SNAP91: variants seen among roughly 807,000 people sequenced by gnomAD.
SNAP91 encodes clathrin coat assembly protein AP180.
SNAP91 carries 27 observed loss-of-function variants against 100.3 expected under a neutral mutation model. The observed-to-expected ratio is 0.27, with a 90% CI of 0.20 to 0.37. The LOEUF (loss-of-function observed/expected upper bound fraction) is 0.37. Ranked by LOEUF, SNAP91 falls within the 10% of genes least tolerant of loss-of-function variation. The pLI is 1.00. For missense variants in SNAP91, 986 were observed against 1,123.7 expected, an observed-to-expected ratio of 0.88 and a Z score of 1.75; for synonymous variants, 404 against 398.6, an observed-to-expected ratio of 1.01 and a Z score of -0.16.
At position 83,598,606 on chromosome 6, in the gene SNAP91, G is replaced by C. The variant is rs528534899; in HGVS notation, c.1324+2665C>G. ...ACATATTGCATAGGACCTCAAAAAG[G>C]CATGTTTTAAAGTTGTAAAGTTATG... On this transcript the variant is annotated intron_variant, in intron 16 of 29. Transcript: ENST00000369694. Among the ~76,000 whole-genome samples, 29 of 152,140 alleles carry C rather than the reference G, an allele frequency of 1.9e-4. 1 individual carries two copies. The South Asian group carries it at 5.8e-3, about 30-fold the overall frequency.
intron 8 of SNAP91, among the ~76,000 whole-genome samples, chr6:83,638,864 C>G (rs181499144): frequency 3.1e-4 from 47 of 152,280 alleles, no homozygotes; most frequent in South Asian, 1.0e-3. Context: ...ATTCCGATAT[C>G]TACCTTAGAA....
At chr6:83,626,963 CTCAT>C (rs968295519) in intron 8 of SNAP91, among the ~76,000 whole-genome samples, 1 of 152,030 alleles carries the variant, frequency 6.6e-6, no homozygotes, top group African/African-American at 2.4e-5. Context: ...CCACCTTTTG[CTCAT>C]TCAGTGTGAT....
intron 2 of SNAP91, among the ~76,000 whole-genome samples, chr6:83,666,169 C>G (rs2098680477): frequency 6.6e-6 from 1 of 152,016 alleles, no homozygotes; most frequent in African/African-American, 2.4e-5. Context: ...ATAATTTAAC[C>G]TGAGTTTGTA....
chr6:83,564,114 C>T (rs540600177), intron 26 of SNAP91, among the ~76,000 whole-genome samples: 34 of 152,092 alleles, frequency 2.2e-4, no homozygotes, highest in African/African-American at 8.0e-4. Flanking sequence ...TAGAAAGGTA[C>T]ATTAATCAAA....
chr6:83,568,503 A>AATG (rs1360748176), intron 26 of SNAP91, among the ~76,000 whole-genome samples: 1 of 151,306 alleles, frequency 6.6e-6, no homozygotes, highest in Non-Finnish European at 1.5e-5. Context: ...TAATAATAAT[A>AATG]ATAATAACTT....
In SNAP91 at chr6:83,658,979, TTTTCTAG is replaced by T. The variant is rs1345590053; in HGVS notation, c.546+13_546+19del. 6.5e-7 allele frequency: 1 copy of T among 1,543,214 alleles called. No individual in the cohort carries two copies. Among genetic ancestry groups the T allele is most frequent in the African/African-American group, 1.4e-5 (1 of 73,410 alleles). Reference sequence around the variant, plus strand: ...GACAACATTGATTGTGTATGAAACATTTTCTAGTGAGATACATACATCAAATTCAAGC... The same window carrying T: ...GACAACATTGATTGTGTATGAAACATTGAGATACATACATCAAATTCAAGC... On this transcript the variant is annotated intron_variant, in intron 6 of 29. Transcript: ENST00000369694.
intron 9 of SNAP91, among the ~76,000 whole-genome samples, chr6:83,619,346 T>C (rs1333172668): frequency 2.0e-5 from 3 of 152,218 alleles, no homozygotes; most frequent in Non-Finnish European, 4.4e-5. Flanking sequence ...CGTGCAGGAA[T>C]GTCTACCTTT....
chr6:83,591,052 C>G (rs1390209138), intron 22 of SNAP91, among the ~76,000 whole-genome samples, 159 bp downstream of exon 22: 1 of 151,946 alleles, frequency 6.6e-6, no homozygotes, highest in Non-Finnish European at 1.5e-5. Flanking sequence ...AAGCATAGTA[C>G]CCAACAGTCA....
chr6:83,605,452 TTAAAA>T (rs1039997892), intron 14 of SNAP91, among the ~76,000 whole-genome samples: 2 of 152,292 alleles, frequency 1.3e-5, no homozygotes, highest in East Asian at 1.9e-4. Flanking sequence ...GTTCCAACTG[TTAAAA>T]TAAAAACTAT....
In SNAP91 at chr6:83,592,941, C is replaced by A; in HGVS notation, c.1846+5G>T. 6.3e-7 allele frequency: 1 copy of A among 1,575,360 alleles called. No individual in the cohort carries two copies. Among genetic ancestry groups the A allele is most frequent in the Non-Finnish European group, 8.6e-7 (1 of 1,159,508 alleles). ...CTGAAGTCCTGACCTTGGCAAAGCACTCACCAGATAAGAGGTCAGCAGTGA... is the reference window on the plus strand; with the variant it reads ...CTGAAGTCCTGACCTTGGCAAAGCAATCACCAGATAAGAGGTCAGCAGTGA... On this transcript the variant is annotated splice_donor_5th_base_variant and intron_variant, in intron 20 of 29. Coordinates refer to ENST00000369694, the MANE Select transcript of SNAP91 (RefSeq NM_001242792.2).
In SNAP91 at chr6:83,613,567, G is replaced by A. The variant is rs1287693809; in HGVS notation, c.884+1290C>T. On this transcript the variant is annotated intron_variant, in intron 11 of 29. Transcript: ENST00000369694. The stretch of plus-strand genomic sequence containing the variant: ...ATTAATCACTGATTAAACTCTGAAG[G>A]TTCCCAGGCTCGGAGAGGTTAATAA... Among the ~76,000 whole-genome samples the A allele has an allele frequency of 3.9e-5, 6 of 152,280 alleles. 1 individual carries two copies. Among genetic ancestry groups the A allele is most frequent in the Non-Finnish European group, 1.5e-5 (1 of 68,022 alleles).
At chr6:83,556,105 T>A in intron 29 of SNAP91, 38 bp downstream of exon 29, 1 of 1,165,292 alleles carries the variant, frequency 8.6e-7, no homozygotes, top group Non-Finnish European at 1.3e-6. Flanking sequence ...GTATAGCTCA[T>A]TATTACAAGC....
At chr6:83,606,753 T>C (rs1186347102) in intron 13 of SNAP91, among the ~76,000 whole-genome samples, 1 of 152,208 alleles carries the variant, frequency 6.6e-6, no homozygotes, top group Non-Finnish European at 1.5e-5. Flanking sequence ...TGCTGCTTTT[T>C]AAAAAAAGTT....
chr6:83,604,486 T>C (rs1562303304), intron 14 of SNAP91, among the ~76,000 whole-genome samples: 3 of 152,194 alleles, frequency 2.0e-5, no homozygotes, highest in Non-Finnish European at 4.4e-5. Flanking sequence ...TGGTTATCTT[T>C]CTCTTATTTT....
intron 7 of SNAP91, among the ~76,000 whole-genome samples, chr6:83,644,975 G>A (rs2128588907): frequency 6.6e-6 from 1 of 152,240 alleles, no homozygotes; most frequent in East Asian, 1.9e-4. Flanking sequence ...ATCTGGGAGT[G>A]GTTCTAATAC....
intron 22 of SNAP91, among the ~76,000 whole-genome samples, chr6:83,584,736 T>A (rs1468776114): frequency 6.6e-6 from 1 of 152,192 alleles, no homozygotes; most frequent in Non-Finnish European, 1.5e-5. Context: ...CCCATGAGGT[T>A]CAAAGATGAG....
intron 7 of SNAP91, 92 bp downstream of exon 7, chr6:83,656,662 C>A: frequency 2.0e-6 from 1 of 492,546 alleles, no homozygotes; most frequent in African/African-American, 6.0e-5. Flanking sequence ...ACAATATTGC[C>A]CACCAAGTGA....
At chr6:83,700,718 A>G (rs1285370167) in intron 2 of SNAP91, among the ~76,000 whole-genome samples, 2 of 151,976 alleles carry the variant, frequency 1.3e-5, no homozygotes, top group Non-Finnish European at 2.9e-5. Flanking sequence ...CATCCTCTGC[A>G]GCCTTCCAAG....
chr6:83,648,027 G>C (rs2098023601), intron 7 of SNAP91, among the ~76,000 whole-genome samples: 1 of 152,070 alleles, frequency 6.6e-6, no homozygotes, highest in Admixed American at 6.6e-5. Context: ...ATTCCAATAT[G>C]AGTTTTGGAG....
Sources: gnomAD v4.1 joint callset for allele counts (sites outside exome capture counted in the v4.1 genomes callset) on GRCh38, gnomAD v4.1.1 for gene constraint, MANE v1.5 for transcripts, NCBI Gene and HGNC (gene_info 2026-07-23, HGNC 2026-07-21) for gene names.